BNC2: variants seen among roughly 807,000 people sequenced by gnomAD.
The protein encoded by BNC2 is basonuclin zinc finger protein 2, also known as zinc finger protein basonuclin-2.
A neutral mutation model predicts 76.3 loss-of-function variants in BNC2; 20 were observed. The observed-to-expected ratio is 0.26, with a 90% CI of 0.18 to 0.38. The LOEUF is 0.38. Among genes scored for constraint, BNC2 ranks in the 10% least tolerant of loss-of-function variants. BNC2 has a pLI of 1.00. For missense variants in BNC2, 1,382 were observed against 1,399.8 expected (o/e 0.99, Z 0.20); for synonymous variants, 582 against 514.8 (o/e 1.13, Z -1.77).
chr9:16,413,321 G>A lies in BNC2; in HGVS notation c.*5668C>T, dbSNP rs1216225607. The A allele has an allele frequency of 6.6e-6, 1 of 150,524 alleles. No individual in the cohort carries two copies. The highest frequency in any genetic ancestry group is 1.5e-5 in the Non-Finnish European group (1 of 67,810). The allele number at this position is 150,524 out of a possible 1,614,324, so 9.3% of individuals were successfully genotyped here. A position where few individuals can be genotyped will look rare whatever the true frequency, so the allele number is the denominator to read the frequency against. ...ATATAGCATTATAATGAACAATAAT[G>A]CTGATCCAATTCAGTGTACATGTAA... is the stretch of plus-strand genomic sequence containing the variant. On this transcript the variant is annotated 3_prime_UTR_variant, in exon 7 of 7. Transcript: ENST00000380672.
In BNC2 at chr9:16,506,255, G is replaced by C. The variant is rs1822621242; in HGVS notation, c.669+46275C>G. ...AAAAGTCACAAAAATACTTATGTGA[G>C]AGTAGACGAAGGCCACCCACTCGGC... is the stretch of plus-strand genomic sequence containing the variant. On this transcript the variant is annotated intron_variant, in intron 5 of 6. Transcript: ENST00000380672. Among the ~76,000 whole-genome samples, 4 of 152,294 alleles carry C rather than the reference G, an allele frequency of 2.6e-5. No individual in the cohort carries two copies. The South Asian group carries it at 8.3e-4, about 32-fold the overall frequency.
chr9:16,766,807 T>G (rs1825707764), intron 1 of BNC2, among the ~76,000 whole-genome samples: 1 of 152,206 alleles, frequency 6.6e-6, no homozygotes, highest in Admixed American at 6.5e-5. Context: ...TTACTTTGCT[T>G]TTCCTGAAGA....
At chr9:16,616,505 T>C (rs1365311691) in intron 3 of BNC2, among the ~76,000 whole-genome samples, 1 of 151,608 alleles carries the variant, frequency 6.6e-6, no homozygotes, top group Non-Finnish European at 1.5e-5. Context: ...AAGACCAGTG[T>C]GGGCAATATT....
At chr9:16,513,217 C>T (rs1822800309) in intron 5 of BNC2, among the ~76,000 whole-genome samples, 1 of 151,162 alleles carries the variant, frequency 6.6e-6, no homozygotes, top group Non-Finnish European at 1.5e-5. Context: ...TTATTTATTA[C>T]TATTTTCCCC....
intron 1 of BNC2, chr9:16,775,698 C>A: frequency 4.5e-6 from 1 of 221,644 alleles, no homozygotes; most frequent in Admixed American, 4.3e-5. Flanking sequence ...AGGATTTCTT[C>A]AATGGATACT....
intron 3 of BNC2, among the ~76,000 whole-genome samples, chr9:16,703,616 T>A (rs1324073295): frequency 6.6e-6 from 1 of 152,176 alleles, no homozygotes; most frequent in Admixed American, 6.5e-5. Flanking sequence ...AATGTCAATA[T>A]ATATGTTTAA....
chr9:16,477,910 T>C (rs1821961179), intron 5 of BNC2, among the ~76,000 whole-genome samples: 1 of 152,164 alleles, frequency 6.6e-6, no homozygotes, highest in Non-Finnish European at 1.5e-5. Context: ...TGGCCCCCAA[T>C]TTGAACTTCT....
chr9:16,596,745 G>A (rs1248097119), intron 3 of BNC2, among the ~76,000 whole-genome samples: 1 of 152,112 alleles, frequency 6.6e-6, no homozygotes, highest in African/African-American at 2.4e-5. Context: ...CTAGACTGCA[G>A]AGAAACAGGA....
chr9:16,536,781 A>G (rs1818142937), intron 5 of BNC2, among the ~76,000 whole-genome samples: 1 of 152,126 alleles, frequency 6.6e-6, no homozygotes, highest in African/African-American at 2.4e-5. Context: ...TTGGAAGGAA[A>G]TAAGAGAAAA....
intron 1 of BNC2, among the ~76,000 whole-genome samples, chr9:16,848,036 A>T (rs760902770): frequency 6.6e-6 from 1 of 152,214 alleles, no homozygotes; most frequent in Non-Finnish European, 1.5e-5. Flanking sequence ...CCTATGATGC[A>T]GTAGCTTATG....
chr9:16,481,270 A>G (rs1249913356), intron 5 of BNC2, among the ~76,000 whole-genome samples: 1 of 152,124 alleles, frequency 6.6e-6, no homozygotes, highest in Non-Finnish European at 1.5e-5. Context: ...GGGTGGGGCC[A>G]CATAAGAGAA....
intron 5 of BNC2, among the ~76,000 whole-genome samples, chr9:16,517,204 G>C (rs964203144): frequency 2.0e-5 from 3 of 152,182 alleles, no homozygotes; most frequent in Non-Finnish European, 4.4e-5. Flanking sequence ...GAGGGAAGTA[G>C]CCAGTTGGAG....
chr9:16,568,285 T>A (rs1034426141), intron 4 of BNC2, among the ~76,000 whole-genome samples: 1 of 152,160 alleles, frequency 6.6e-6, no homozygotes, highest in Non-Finnish European at 1.5e-5. Flanking sequence ...CTAAAAGTTG[T>A]TAGCGATGAG....
intron 1 of BNC2, among the ~76,000 whole-genome samples, chr9:16,830,742 G>A (rs1486910675): frequency 6.6e-6 from 1 of 152,140 alleles, no homozygotes; most frequent in African/African-American, 2.4e-5. Flanking sequence ...GATCACCAAA[G>A]GGAAACAGAA....
At chr9:16,847,606 T>C (rs1487824194) in intron 1 of BNC2, among the ~76,000 whole-genome samples, 2 of 152,158 alleles carry the variant, frequency 1.3e-5, no homozygotes, top group African/African-American at 4.8e-5. Flanking sequence ...TACAAGGTAG[T>C]ATAACTTAAT....
intron 3 of BNC2, among the ~76,000 whole-genome samples, chr9:16,713,038 G>A (rs920730357): frequency 6.6e-6 from 1 of 152,184 alleles, no homozygotes. Context: ...GCAGTGTACC[G>A]TAAGATCAGG....
intron 5 of BNC2, among the ~76,000 whole-genome samples, chr9:16,525,408 G>A (rs754238382): frequency 3.9e-5 from 6 of 152,080 alleles, no homozygotes; most frequent in African/African-American, 9.6e-5. Context: ...AAAATGAAAC[G>A]GATTTACAAC....
At chr9:16,702,538 TAA>T (rs35763446) in intron 3 of BNC2, among the ~76,000 whole-genome samples, 82,270 of 138,212 alleles carry the variant, frequency 0.6, 27,004 homozygotes, top group Non-Finnish European at 0.78. Flanking sequence ...TTTCTTTACT[TAA>T]AAAAAAAAAA....
intron 3 of BNC2, among the ~76,000 whole-genome samples, chr9:16,600,394 A>G (rs970803827): frequency 6.6e-6 from 1 of 152,206 alleles, no homozygotes. Context: ...AAGTTGTTTA[A>G]CACTGAGACA....
Sources: allele counts gnomAD v4.1 joint callset (sites outside exome capture counted in the v4.1 genomes callset), GRCh38; gene constraint gnomAD v4.1.1; transcripts MANE v1.5; gene names NCBI Gene and HGNC (gene_info 2026-07-23, HGNC 2026-07-21).